The following PDPN variants were observed in gnomAD, a reference collection of about 807,000 sequenced individuals.
PDPN encodes podoplanin.
Under a neutral mutation model 23.2 loss-of-function variants are expected in PDPN, and 12 were observed. The observed-to-expected ratio is 0.52, with a 90% confidence interval of 0.33 to 0.84. The LOEUF (loss-of-function observed/expected upper bound fraction) is 0.84. Among genes scored for constraint, PDPN ranks in the 40% least tolerant of loss-of-function variants. PDPN has a pLI of 0.02. For synonymous variants in PDPN, 77 were observed against 76.7 expected (o/e 1.00, Z -0.02); for missense variants, 199 against 212.2 (o/e 0.94, Z 0.39).
intron 1 of PDPN, among the ~76,000 whole-genome samples, chr1:13,591,178 G>A (rs1468423933): frequency 1.3e-5 from 2 of 152,058 alleles, no homozygotes; most frequent in Non-Finnish European, 2.9e-5. Flanking sequence ...CTGACCTCGT[G>A]ATCCGCCCAC....
At chr1:13,606,755 G>A (rs1011127929) in intron 1 of PDPN, among the ~76,000 whole-genome samples, 3 of 152,168 alleles carry the variant, frequency 2.0e-5, no homozygotes, top group African/African-American at 4.8e-5. Context: ...CTGCAAAGGG[G>A]TGTGTTTAGA....
chr1:13,600,287 G>A (rs35656843), intron 1 of PDPN, among the ~76,000 whole-genome samples: 8,362 of 152,160 alleles, frequency 0.055, 232 homozygotes, highest in Middle Eastern at 0.082. Context: ...CTTTTTAGTT[G>A]TATGTTGGTG....
intron 1 of PDPN, among the ~76,000 whole-genome samples, chr1:13,584,945 T>C (rs1233121653): frequency 6.6e-6 from 1 of 152,202 alleles, no homozygotes; most frequent in Non-Finnish European, 1.5e-5. Context: ...GTGGTCTCCA[T>C]TGACATCTGT....
At chr1:13,615,370 C>CT (rs1557553765) in intron 5 of PDPN, among the ~76,000 whole-genome samples, 5 of 151,452 alleles carry the variant, frequency 3.3e-5, no homozygotes, top group Admixed American at 2.6e-4. Context: ...ACTGCAACCT[C>CT]TGACTCCCAG....
chr1:13,599,011 C>CTTTTTTTTT lies in PDPN; in HGVS notation c.68-8153_68-8145dup, dbSNP rs35244657. ...ACAGTCCAAGAAAGTGCCCCCCCTC[C>CTTTTTTTTT]TTTTTTTTTTTTTTTTTGGAGATGG... On this transcript the variant is annotated intron_variant, in intron 1 of 5. Transcript: ENST00000621990. 3.5e-4 allele frequency among the ~76,000 whole-genome samples: 44 copies of CTTTTTTTTT among 127,036 alleles called. No individual in the cohort carries two copies. In the East Asian group the frequency reaches 3.9e-3, roughly 11 times the overall value. 83.3% of individuals were successfully genotyped at this position (127,036 alleles called of 152,430 possible).
At chr1:13,608,836 T>C (rs1019246211) in intron 2 of PDPN, among the ~76,000 whole-genome samples, 16 of 152,254 alleles carry the variant, frequency 1.1e-4, no homozygotes, top group East Asian at 3.9e-4. Flanking sequence ...CTGAGCCCGA[T>C]TGGCTAACTT....
In PDPN at chr1:13,583,953, T is replaced by A. The variant is rs753957633; in HGVS notation, c.-81T>A. 2 of 1,613,630 alleles carry A rather than the reference T, an allele frequency of 1.2e-6. No homozygotes were observed. The highest frequency in any genetic ancestry group is 1.7e-6 in the Non-Finnish European group (2 of 1,179,946). ...GTCGCGCTCCTCCAGGCTGGGCCTG[T>A]GGCCGCGGTGCTTTTTAATTTTCCC... On this transcript the variant is annotated 5_prime_UTR_variant, in exon 1 of 6. Transcript: ENST00000621990.
chr1:13,608,332 A>T, intron 2 of PDPN, among the ~76,000 whole-genome samples: 1 of 152,212 alleles, frequency 6.6e-6, no homozygotes, highest in Non-Finnish European at 1.5e-5. Context: ...GAGGAGGTCA[A>T]TGAGCCACAT....
At chr1:13,585,742 G>A in intron 1 of PDPN, 1 of 925,924 alleles carries the variant, frequency 1.1e-6, no homozygotes, top group South Asian at 1.3e-5. Flanking sequence ...AGTGAGGGTG[G>A]GTGCTGAGTT....
intron 3 of PDPN, among the ~76,000 whole-genome samples, chr1:13,613,050 A>G (rs7518611): frequency 0.38 from 58,391 of 152,020 alleles, 11,456 homozygotes; most frequent in South Asian, 0.52. Flanking sequence ...CACAATGACA[A>G]ATACTCACCT....
intron 3 of PDPN, among the ~76,000 whole-genome samples, chr1:13,610,838 C>T (rs1394466602): frequency 2.6e-5 from 4 of 152,190 alleles, no homozygotes; most frequent in Admixed American, 6.5e-5. Context: ...CCCAAGGGCA[C>T]GACACTCAGC....
chr1:13,596,049 A>T, intron 1 of PDPN: 1 of 355,912 alleles, frequency 2.8e-6, no homozygotes, highest in South Asian at 2.2e-5. Flanking sequence ...AATACAAAAA[A>T]TTAGCTGGAC....
intron 1 of PDPN, among the ~76,000 whole-genome samples, chr1:13,602,564 T>C (rs942288654): frequency 3.3e-5 from 5 of 152,146 alleles, no homozygotes; most frequent in African/African-American, 4.8e-5. Flanking sequence ...CCTGATTGAA[T>C]GTTACATCTA....
At chr1:13,602,328 A>T (rs1318188345) in intron 1 of PDPN, among the ~76,000 whole-genome samples, 2 of 138,098 alleles carry the variant, frequency 1.4e-5, no homozygotes, top group African/African-American at 2.7e-5. Flanking sequence ...ACTCCGTCTC[A>T]AAAAAAAAAA....
At chr1:13,598,966 AG>A (rs1005957168) in intron 1 of PDPN, among the ~76,000 whole-genome samples, 1 of 146,552 alleles carries the variant, frequency 6.8e-6, no homozygotes, top group African/African-American at 2.5e-5. Flanking sequence ...GGAAGAGGGG[AG>A]GGGTACTCGC....
At chr1:13,608,304 C>G (rs1640845461) in intron 2 of PDPN, among the ~76,000 whole-genome samples, 1 of 152,114 alleles carries the variant, frequency 6.6e-6, no homozygotes, top group Admixed American at 6.6e-5. Context: ...GAGAAGGTGC[C>G]AGGCATTGGG....
intron 1 of PDPN, among the ~76,000 whole-genome samples, chr1:13,598,074 G>A (rs985921566): frequency 6.6e-6 from 1 of 151,928 alleles, no homozygotes; most frequent in Non-Finnish European, 1.5e-5. Context: ...TGGAGTGCGT[G>A]GCACTATCTC....
rs1641096599 is a variant in PDPN at position 13,617,272 on chromosome 1, AAG to A, written c.*1362_*1363del. The A allele has an allele frequency of 6.6e-6, 1 of 152,156 alleles. No homozygotes were observed. Among genetic ancestry groups the A allele is most frequent in the African/African-American group, 2.4e-5 (1 of 41,436 alleles). The allele number at this position is 152,156 out of a possible 1,614,324, so 9.4% of individuals were successfully genotyped here. ...TTGTAAGCATTCATAAAACAGGAAA[AAG>A]TAAACTATCATTCGGAAGCACAGCC... On this transcript the variant is annotated 3_prime_UTR_variant, in exon 6 of 6. Coordinates refer to ENST00000621990, the MANE Select transcript of PDPN (RefSeq NM_006474.5).
intron 1 of PDPN, among the ~76,000 whole-genome samples, chr1:13,595,594 C>T (rs1461539190): frequency 1.3e-5 from 2 of 152,202 alleles, no homozygotes; most frequent in Non-Finnish European, 2.9e-5. Context: ...CGTGTCTGAT[C>T]TCCTCAGCTT....
Sources: allele counts gnomAD v4.1 joint callset (sites outside exome capture counted in the v4.1 genomes callset), GRCh38; gene constraint gnomAD v4.1.1; transcripts MANE v1.5; gene names NCBI Gene and HGNC (gene_info 2026-07-23, HGNC 2026-07-21).